CORO2B: variants seen among roughly 807,000 people sequenced by gnomAD.
CORO2B encodes the protein coronin 2B.
CORO2B carries 26 observed loss-of-function variants against 58.8 expected under a neutral mutation model. That is an observed-to-expected ratio of 0.44 (90% CI 0.32 to 0.61). The LOEUF is 0.61. Among genes scored for constraint, CORO2B ranks in the 20% least tolerant of loss-of-function variants. The pLI, the probability that CORO2B is intolerant of heterozygous loss-of-function variation, is 0.04. For synonymous variants in CORO2B, 242 were observed against 253.8 expected, an observed-to-expected ratio of 0.95 and a Z score of 0.44; for missense variants, 460 against 645.1, an observed-to-expected ratio of 0.71 and a Z score of 3.11.
chr15:68,724,470 G>C (rs1024173013), intron 11 of CORO2B, among the ~76,000 whole-genome samples: 3 of 152,100 alleles, frequency 2.0e-5, no homozygotes, highest in African/African-American at 7.2e-5. Flanking sequence ...ATTTGCCTAT[G>C]GTAAAATTCA....
intron 1 of CORO2B, among the ~76,000 whole-genome samples, chr15:68,640,511 TA>T (rs10715792): frequency 0.64 from 92,822 of 146,160 alleles, 29,302 homozygotes; most frequent in African/African-American, 0.72. Context: ...CAATGCTATT[TA>T]AAAAAAAAAA....
chr15:68,641,830 C>T (rs1901253610), intron 1 of CORO2B, among the ~76,000 whole-genome samples: 1 of 152,024 alleles, frequency 6.6e-6, no homozygotes, highest in Non-Finnish European at 1.5e-5. Context: ...CTCAAGCCAT[C>T]CTCCCACCTC....
At chr15:68,668,617 G>C (rs1226685641) in intron 2 of CORO2B, among the ~76,000 whole-genome samples, 1 of 152,194 alleles carries the variant, frequency 6.6e-6, no homozygotes, top group Non-Finnish European at 1.5e-5. Context: ...GGGAGCCCCA[G>C]GGTGGGAAGC....
At chr15:68,605,719 T>G (rs1324997726) in intron 1 of CORO2B, among the ~76,000 whole-genome samples, 2 of 124,856 alleles carry the variant, frequency 1.6e-5, no homozygotes, top group African/African-American at 5.9e-5. Flanking sequence ...GGGTTTTTTT[T>G]TTTTTTTTTT....
the CORO2B span, among the ~76,000 whole-genome samples, chr15:68,556,994 C>T: frequency 4.6e-5 from 7 of 152,244 alleles, no homozygotes; most frequent in Non-Finnish European, 7.3e-5. Flanking sequence ...AGCATAACCA[C>T]TCCCTTTCAC....
At chr15:68,660,108 C>G (rs1901965768) in intron 2 of CORO2B, among the ~76,000 whole-genome samples, 1 of 152,126 alleles carries the variant, frequency 6.6e-6, no homozygotes, top group African/African-American at 2.4e-5. Flanking sequence ...TTTCATTTCT[C>G]TAAAAATGTT....
the CORO2B span, among the ~76,000 whole-genome samples, chr15:68,549,207 T>A: frequency 3.3e-5 from 5 of 152,194 alleles, no homozygotes; most frequent in African/African-American, 1.2e-4. Flanking sequence ...GTATATTACC[T>A]CTGGTCTTTC....
the CORO2B span, among the ~76,000 whole-genome samples, chr15:68,522,459 C>CT: frequency 5.9e-5 from 9 of 151,792 alleles, no homozygotes; most frequent in African/African-American, 1.5e-4. Flanking sequence ...TTCTTTCTTT[C>CT]TTTTTTTTGA....
chr15:68,552,561 A>T, the CORO2B span, among the ~76,000 whole-genome samples: 1 of 152,144 alleles, frequency 6.6e-6, no homozygotes, highest in African/African-American at 2.4e-5. Context: ...CTGTGTGCAG[A>T]GTGTGTGCCT....
intron 2 of CORO2B, among the ~76,000 whole-genome samples, chr15:68,662,851 A>T (rs1473116447): frequency 6.6e-6 from 1 of 152,218 alleles, no homozygotes; most frequent in Non-Finnish European, 1.5e-5. Context: ...ATAGATTTGT[A>T]TATATTTTAT....
chr15:68,713,861 T>G, intron 5 of CORO2B, 64 bp from the exon 6 acceptor site: 1 of 1,099,784 alleles, frequency 9.1e-7, no homozygotes, highest in Non-Finnish European at 1.4e-6. Context: ...GGACCACCAT[T>G]CATGCCACTG....
Position 68,645,106 on chromosome 15 carries a change from G to T in CORO2B, c.16-54G>T. On this transcript the variant is annotated intron_variant, in intron 1 of 11. Transcript: ENST00000261861. This position sits in a 1 kb window ranked among gnomAD's most constrained non-coding sequence, Gnocchi z 4.5. ...TCCCTCCCCCAAGAGCCCAGCCGAG[G>T]CCCTTCATGGCACAGGGCCCAGCCT... is the stretch of plus-strand genomic sequence containing the variant. The T allele has an allele frequency of 6.3e-7, 1 of 1,577,408 alleles. No homozygotes were observed. Among genetic ancestry groups the T allele is most frequent in the Non-Finnish European group, 8.7e-7 (1 of 1,155,896 alleles).
chr15:68,527,704 C>T, the CORO2B span, among the ~76,000 whole-genome samples: 4 of 152,238 alleles, frequency 2.6e-5, no homozygotes, highest in South Asian at 2.1e-4. Context: ...TTAAAAGCCT[C>T]GGAAATTTTA....
At chr15:68,542,623 T>C in the CORO2B span, among the ~76,000 whole-genome samples, 1 of 152,242 alleles carries the variant, frequency 6.6e-6, no homozygotes, top group African/African-American at 2.4e-5. Context: ...GGCACCCTCA[T>C]GGCCACCTGT....
At chr15:68,715,513 C>T (rs1407393329) in intron 8 of CORO2B, among the ~76,000 whole-genome samples, 2 of 152,262 alleles carry the variant, frequency 1.3e-5, no homozygotes, top group East Asian at 3.8e-4. Flanking sequence ...ACTGTGCTCA[C>T]ATCCACCATC....
intron 1 of CORO2B, among the ~76,000 whole-genome samples, chr15:68,611,505 T>C (rs1900246597): frequency 6.6e-6 from 1 of 152,192 alleles, no homozygotes; most frequent in Admixed American, 6.5e-5. Context: ...TACCATATTT[T>C]ACTGATTGTA....
the CORO2B span, among the ~76,000 whole-genome samples, chr15:68,547,068 A>G: frequency 6.6e-6 from 1 of 152,226 alleles, no homozygotes. Flanking sequence ...CACAGCAAAT[A>G]AAAAGTGAGA....
rs1491640 is a variant in CORO2B, at chr15:68,719,050, A to G, written c.1081-94A>G. On this transcript the variant is annotated intron_variant, in intron 9 of 11. Transcript: ENST00000261861. ...GGCATAGAGGCAGGAGAGCAGGTAG[A>G]GTGACTGGAGATCAGTAAGAAGAGT... The G allele has an allele frequency of 0.2, 211,573 of 1,035,216 alleles. 24,041 individuals are homozygous for G. The highest frequency in any genetic ancestry group is 0.24 in the Non-Finnish European group (156,254 of 660,206). 64.1% of individuals were successfully genotyped at this position (1,035,216 alleles called of 1,614,324 possible).
Position 68,710,877 on chromosome 15 carries a change from A to G in CORO2B, c.479A>G (p.Tyr160Cys). 1 of 1,603,156 alleles carries G rather than the reference A, an allele frequency of 6.2e-7. No homozygotes were observed. The highest frequency in any genetic ancestry group is 8.5e-7 in the Non-Finnish European group (1 of 1,174,148). Residue 160 changes from tyrosine to cysteine, a missense_variant, in exon 4 of 12, where the codon TAC (tyrosine) becomes TGC (cysteine). By Grantham distance (194) the Tyr-to-Cys change is radical (BLOSUM62 -2). Around this residue, in one of 2 missense-constraint regions of CORO2B, gnomAD observed 352 missense variants for 543.0 expected, o/e 0.65. Coordinates refer to ENST00000261861, the MANE Select transcript of CORO2B (RefSeq NM_006091.5). The surrounding 1 kb of genome is among the most constrained non-coding windows in gnomAD (Gnocchi z 4.1). ...NNILFSAGYDYKVLIWNLDVG... is the reference protein window; with the variant it reads ...NNILFSAGYDCKVLIWNLDVG... Reference sequence around the variant, plus strand: ...ATCCTGTTCAGCGCTGGCTACGACTACAAGGTATGCAGTGGGCAGGCAGCT... The same window carrying G: ...ATCCTGTTCAGCGCTGGCTACGACTGCAAGGTATGCAGTGGGCAGGCAGCT...
Sources: gnomAD v4.1 joint callset for allele counts (sites outside exome capture counted in the v4.1 genomes callset) on GRCh38, gnomAD v4.1.1 for gene constraint, gnomAD v4.1.1 regional missense constraint, Gnocchi (gnomAD v3.1) non-coding constraint, MANE v1.5 for transcripts, NCBI Gene and HGNC (gene_info 2026-07-23, HGNC 2026-07-21) for gene names.